Variants in ZNF208 observed in about 807,000 individuals in gnomAD.
ZNF208 encodes the protein zinc finger protein 95.
A neutral mutation model predicts 12.1 loss-of-function variants in ZNF208; 10 were observed. That is an observed-to-expected ratio of 0.83 (90% CI 0.51 to 1.40). The LOEUF is 1.40. ZNF208 is among the 40% of genes most tolerant of loss of function. The probability of loss-of-function intolerance (pLI) is 0.00; values close to 1 mark genes in which losing one functional copy is unlikely to be tolerated. For missense variants in ZNF208, 1,652 were observed against 1,485.0 expected (o/e 1.11, Z -1.85); for synonymous variants, 497 against 488.4 (o/e 1.02, Z -0.23).
rs1971137886 is a variant in ZNF208, at chr19:22,010,886, G to A, written c.-92C>T. The A allele has an allele frequency of 6.3e-6, 10 of 1,577,242 alleles. No homozygotes were observed. Among genetic ancestry groups the A allele is most frequent in the Non-Finnish European group, 8.7e-6 (10 of 1,147,412 alleles). On this transcript the variant is annotated 5_prime_UTR_variant, in exon 1 of 4. Transcript: ENST00000397126. ...CACAGAGGCTGGGACTCTAGGAGCA[G>A]AGGACACACAGCAGTAAGGACGAGA...
Position 21,970,724 on chromosome 19 carries a change from T to C in ZNF208, c.*467A>G. On this transcript the variant is annotated 3_prime_UTR_variant, in exon 4 of 4. Transcript: ENST00000397126. ...TCTCCAGCATGAATTTTCTTATGTG[T>C]AGGAGGGTTGGGAACTGTTTAAAAG... 8.2e-7 allele frequency: 1 copy of C among 1,226,074 alleles called. No individual in the cohort carries two copies. The highest frequency in any genetic ancestry group is 1.2e-6 in the Non-Finnish European group (1 of 838,236). The allele number at this position is 1,226,074 out of a possible 1,614,324, so 75.9% of individuals were successfully genotyped here. A position where few individuals can be genotyped will look rare whatever the true frequency, so the allele number is the denominator to read the frequency against.
Position 21,968,590 on chromosome 19 carries a change from A to G in ZNF208, c.*2601T>C, listed in dbSNP as rs1346292576. 2.0e-5 allele frequency: 3 copies of G among 152,132 alleles called. No homozygotes were observed. Among genetic ancestry groups the G allele is most frequent in the Non-Finnish European group, 4.4e-5 (3 of 68,006 alleles). The allele number at this position is 152,132 out of a possible 1,614,324, so 9.4% of individuals were successfully genotyped here. A position where few individuals can be genotyped will look rare whatever the true frequency, so the allele number is the denominator to read the frequency against. The stretch of plus-strand genomic sequence containing the variant: ...GATTTGCTTTTGAATTCAGTTTGCT[A>G]GTATTTCATGGAGGATTATTATTCC... On this transcript the variant is annotated 3_prime_UTR_variant, in exon 4 of 4. Coordinates refer to ENST00000397126, the MANE Select transcript of ZNF208 (RefSeq NM_007153.3).
downstream of ZNF208, among the ~76,000 whole-genome samples, chr19:21,962,003 G>A (rs1470446796): frequency 6.6e-6 from 1 of 152,134 alleles, no homozygotes; most frequent in African/African-American, 2.4e-5. Context: ...ATTAAAGTAA[G>A]ACAGGTGAAA....
chr19:21,971,574 A>G lies in ZNF208; in HGVS notation c.3460T>C (p.Ser1154Pro). 13 of 1,611,042 alleles carry G rather than the reference A, an allele frequency of 8.1e-6. No individual in the cohort carries two copies. The highest frequency in any genetic ancestry group is 1.1e-5 in the Non-Finnish European group (13 of 1,179,800). ...EECGKAYKWS[S>P]TLSYHKKIHT... ...ATTTTCTTATGATAACTAAGGGTTG[A>G]GGACCACTTATAGGCTTTGCCACAT... is the stretch of plus-strand genomic sequence containing the variant. The change falls in exon 4 of 4, where the codon TCA becomes CCA. Residue 1154 changes from serine to proline, a missense_variant. Physicochemically the swap from Ser to Pro is moderately conservative, Grantham distance 74. Around this residue, in one of 3 missense-constraint regions of ZNF208, gnomAD observed 1,239 missense variants for 1,086.2 expected, o/e 1.14. Coordinates refer to ENST00000397126, the MANE Select transcript of ZNF208 (RefSeq NM_007153.3).
At chr19:21,985,030 A>C (rs761401923) in intron 3 of ZNF208, among the ~76,000 whole-genome samples, 1 of 151,258 alleles carries the variant, frequency 6.6e-6, no homozygotes, top group African/African-American at 2.4e-5. Context: ...CATTCAGTAA[A>C]TATAATCTGA....
At position 22,006,240 on chromosome 19, in the gene ZNF208, C is replaced by T. The variant is rs536620333; in HGVS notation, c.3+4552G>A. Among the ~76,000 whole-genome samples the T allele has an allele frequency of 1.2e-3, 178 of 152,060 alleles. 1 individual carries two copies. The highest frequency in any genetic ancestry group is 4.0e-3 in the African/African-American group (167 of 41,486). On this transcript the variant is annotated intron_variant, in intron 1 of 3. Coordinates refer to ENST00000397126, the MANE Select transcript of ZNF208 (RefSeq NM_007153.3). ...ATTTCACCCTTCATTTAAACATTCC[C>T]CTCACCTTCTTTCTAATCTTATTTG...
chr19:21,956,715 G>A (rs1969984796), intron 4 of ZNF208, among the ~76,000 whole-genome samples: 1 of 152,114 alleles, frequency 6.6e-6, no homozygotes, highest in Non-Finnish European at 1.5e-5. Context: ...GGAGTGTCCC[G>A]ATTTTCCAGG....
At chr19:22,000,150 T>C (rs1230289021) in intron 1 of ZNF208, among the ~76,000 whole-genome samples, 5 of 152,324 alleles carry the variant, frequency 3.3e-5, no homozygotes, top group African/African-American at 4.8e-5. Context: ...GGACAGATCA[T>C]TGAAGAAGAA....
intron 4 of ZNF208, among the ~76,000 whole-genome samples, chr19:21,953,742 C>G (rs1432713972): frequency 1.3e-5 from 2 of 152,110 alleles, no homozygotes; most frequent in Non-Finnish European, 2.9e-5. Flanking sequence ...TAGGAAGAAA[C>G]CATCAATTAT....
At chr19:21,988,177 G>GT (rs1162963661) in intron 2 of ZNF208, among the ~76,000 whole-genome samples, 1 of 152,068 alleles carries the variant, frequency 6.6e-6, no homozygotes, top group East Asian at 1.9e-4. Flanking sequence ...CAAGAATGTG[G>GT]TAAGTTCAGG....
rs148487911 is a variant in ZNF208 at position 21,948,664 on chromosome 19, T to C, written c.306-15427A>G. ...AGTGAGCCCCAGGAAAGTTCTCTAA[T>C]GACCCTGATACATATATAGAGTCTT... is the stretch of plus-strand genomic sequence containing the variant. On this transcript the variant is annotated intron_variant, in intron 4 of 4. Coordinates refer to the ZNF208 transcript ENST00000599916. 7.7e-3 allele frequency among the ~76,000 whole-genome samples: 1,174 copies of C among 152,328 alleles called. 9 individuals carry two copies. The highest frequency in any genetic ancestry group is 0.026 in the African/African-American group (1,100 of 41,570).
intron 1 of ZNF208, among the ~76,000 whole-genome samples, chr19:22,008,198 G>C (rs1030062187): frequency 1.3e-5 from 2 of 150,934 alleles, no homozygotes; most frequent in African/African-American, 2.4e-5. Context: ...AGCTACTCAG[G>C]AGGCTGAGGC....
chr19:21,971,945 T>C lies in ZNF208; in HGVS notation c.3089A>G (p.Lys1030Arg), dbSNP rs1273352498. The change falls in exon 4 of 4, where the codon AAA becomes AGA. Residue 1030 changes from lysine (K) to arginine (R), a missense_variant. This residue lies in a region of ZNF208 where 1,239 missense variants were observed against 1,086.2 expected (regional missense o/e 1.14). Transcript: ENST00000397126. ...KKIHTGETPYKCEECDKAFSW... is the reference protein window; with the variant it reads ...KKIHTGETPYRCEECDKAFSW... ...GAAGGCTTTGTCACATTCTTCACAT[T>C]TGTAGGGTGTCTCTCCAGTGTGAAT... 4 of 1,576,644 alleles carry C rather than the reference T, an allele frequency of 2.5e-6. No homozygotes were observed. In the African/African-American group the frequency reaches 4.1e-5, roughly 16 times the overall value.
chr19:21,974,240 G>C lies in ZNF208; in HGVS notation c.794C>G (p.Ala265Gly), dbSNP rs377709801. ...AGTAAGGATTGCAGATTGGTTAAAA[G>C]CCTTGCCACATTCTTCACATTTGTA... The part of the protein sequence containing the change: ...KSYKCEECGK[A>G]FNQSAILTKH... Residue 265 changes from alanine (A) to glycine (G), a missense_variant, in exon 4 of 4, where the codon GCT (alanine) becomes GGT (glycine). This residue lies in a region of ZNF208 where 410 missense variants were observed against 378.2 expected (regional missense o/e 1.08). Coordinates refer to ENST00000397126, the MANE Select transcript of ZNF208 (RefSeq NM_007153.3). 1 of 1,611,796 alleles carries C rather than the reference G, an allele frequency of 6.2e-7. No individual in the cohort carries two copies.
rs200131905 is a variant in ZNF208, at chr19:21,974,336, T to A, written c.698A>T (p.Glu233Val). Residue 233 changes from glutamate (E) to valine (V), a missense_variant, in exon 4 of 4, where the codon GAA becomes GTA. Glu to Val is a moderately radical substitution (Grantham distance 121). Around this residue, in one of 3 missense-constraint regions of ZNF208, gnomAD observed 410 missense variants for 378.2 expected, o/e 1.08. Transcript: ENST00000397126. Reference protein sequence around the residue: ...HTGEKPYRCKECGKAFSKFSI... With the variant: ...HTGEKPYRCKVCGKAFSKFSI... ...GAACTTACTAAAGGCTTTGCCACATTCTTTACATCTGTAGGGTTTCTCTCC... is the reference window on the plus strand; with the variant it reads ...GAACTTACTAAAGGCTTTGCCACATACTTTACATCTGTAGGGTTTCTCTCC... 3.9e-4 allele frequency: 625 copies of A among 1,613,742 alleles called. 1 individual carries two copies. The highest frequency in any genetic ancestry group is 4.9e-4 in the Non-Finnish European group (576 of 1,179,784).
chr19:21,994,656 C>T (rs1320791971), intron 1 of ZNF208, among the ~76,000 whole-genome samples: 1 of 148,832 alleles, frequency 6.7e-6, no homozygotes, highest in African/African-American at 2.5e-5. Context: ...ATAAGCAATT[C>T]AAAAAAAAAT....
chr19:21,963,878 CAA>C (rs1201234864), downstream of ZNF208, among the ~76,000 whole-genome samples: 1 of 151,746 alleles, frequency 6.6e-6, no homozygotes, highest in Non-Finnish European at 1.5e-5. Context: ...AGGGAGCTGA[CAA>C]AGAGTAAAAA....
rs187141558 is a variant in ZNF208, at chr19:22,004,843, G to C, written c.3+5949C>G. On this transcript the variant is annotated intron_variant, in intron 1 of 3. Transcript: ENST00000397126. ...TAGTACTGCAGTGACAAAATAATCT[G>C]CACACCAAACTCCCATGACATAATT... Among the ~76,000 whole-genome samples the C allele has an allele frequency of 2.6e-5, 4 of 152,248 alleles. No individual in the cohort carries two copies. The East Asian group carries it at 5.8e-4, about 22-fold the overall frequency.
chr19:21,975,495 C>T (rs1422429051), intron 3 of ZNF208, among the ~76,000 whole-genome samples: 1 of 152,070 alleles, frequency 6.6e-6, no homozygotes, highest in East Asian at 1.9e-4. Context: ...ATAATCTTAA[C>T]CCAGACCATT....
Sources: allele counts gnomAD v4.1 joint callset (sites outside exome capture counted in the v4.1 genomes callset), GRCh38; gene constraint gnomAD v4.1.1; regional missense constraint gnomAD v4.1.1; transcripts MANE v1.5; gene names NCBI Gene and HGNC (gene_info 2026-07-23, HGNC 2026-07-21).